Variants in P3H1 observed in about 807,000 individuals in gnomAD.
P3H1 encodes prolyl 3-hydroxylase 1, also known as growth suppressor 1.
In P3H1, 69 loss-of-function variants were observed where a neutral mutation model predicts 84.0. That is an observed-to-expected ratio of 0.82 (90% confidence interval 0.68 to 1.00). The LOEUF (loss-of-function observed/expected upper bound fraction) is 1.00. Ranked by LOEUF, P3H1 falls within the 50% of genes least tolerant of loss-of-function variation. P3H1 has a pLI of 0.00. For missense variants in P3H1, 878 were observed against 962.8 expected, an observed-to-expected ratio of 0.91 and a Z score of 1.17; for synonymous variants, 366 against 388.8, an observed-to-expected ratio of 0.94 and a Z score of 0.69.
intron 3 of P3H1, 49 bp from the exon 4 acceptor site, chr1:42,759,032 C>T (rs1652557258): frequency 3.7e-6 from 6 of 1,611,884 alleles, no homozygotes; most frequent in Non-Finnish European, 5.1e-6. Flanking sequence ...CTCTTTAGAA[C>T]TCAAATTCTG....
At chr1:42,761,395 C>A (rs1021964148) in intron 2 of P3H1, 5 of 152,078 alleles carry the variant, frequency 3.3e-5, no homozygotes, top group African/African-American at 1.2e-4. Context: ...TCCTGCTAAA[C>A]AAATAGAATG....
In P3H1 at chr1:42,750,280, C is replaced by T. The variant is rs577059613; in HGVS notation, c.1626G>A (p.Thr542=). 1.2e-3 allele frequency: 1,996 copies of T among 1,614,054 alleles called. 31 individuals carry two copies. In the South Asian group the frequency reaches 0.02, roughly 16 times the overall value. ...ACTCCATGATGCGCCGCACCTTCTC[C>T]GTCACGTTGTAGTACAGGTGGGCAC... ...LQSAHLYYNV[T]EKVRRIMESY... is the part of the protein sequence containing the mutation. Residue 542 remains threonine, a synonymous_variant, in exon 11 of 15, where the codon ACG becomes ACA. Coordinates refer to ENST00000296388, the MANE Select transcript of P3H1 (RefSeq NM_022356.4).
chr1:42,750,883 T>C (rs368114710), intron 10 of P3H1, among the ~76,000 whole-genome samples: 865 of 118,118 alleles, frequency 7.3e-3, no homozygotes, highest in East Asian at 0.027. Flanking sequence ...TCTGCCCGGC[T>C]GCCCCTACTG....
At position 42,766,021 on chromosome 1, in the gene P3H1, C is replaced by CACA. The variant is rs1553144412; in HGVS notation, c.465+485_465+486insTGT. On this transcript the variant is annotated intron_variant, in intron 1 of 14. Coordinates refer to ENST00000296388, the MANE Select transcript of P3H1 (RefSeq NM_022356.4). The stretch of plus-strand genomic sequence containing the variant: ...TAGCCAGAGGGTCCCCCCCCCGCCC[C>CACA]CACACACACACAGAAAGGGCCAGGC... 3.0e-4 allele frequency among the ~76,000 whole-genome samples: 43 copies of CACA among 141,326 alleles called. 2 individuals carry two copies. The South Asian group carries it at 8.0e-3, about 26-fold the overall frequency. The allele number at this position is 141,326 out of a possible 152,430, so 92.7% of individuals were successfully genotyped here.
intron 1 of P3H1, among the ~76,000 whole-genome samples, chr1:42,764,624 C>A (rs990389998): frequency 7.9e-5 from 12 of 152,180 alleles, no homozygotes; most frequent in Middle Eastern, 6.8e-3. Flanking sequence ...AGATAATATG[C>A]AGCCTGTAAT....
chr1:42,749,708 C>T (rs927744009), intron 11 of P3H1, among the ~76,000 whole-genome samples: 3 of 152,292 alleles, frequency 2.0e-5, no homozygotes, highest in South Asian at 4.2e-4. Flanking sequence ...ACTCCGTAAT[C>T]GTATTCATCC....
intron 14 of P3H1, 45 bp from the exon 15 acceptor site, chr1:42,746,897 G>C: frequency 6.2e-7 from 1 of 1,614,192 alleles, no homozygotes; most frequent in Non-Finnish European, 8.5e-7. Context: ...CTCCGCTCCA[G>C]ACACTCGCTA....
At chr1:42,766,010 C>T (rs1351125676) in intron 1 of P3H1, among the ~76,000 whole-genome samples, 1 of 86,566 alleles carries the variant, frequency 1.2e-5, no homozygotes, top group Non-Finnish European at 2.5e-5. Context: ...CAGAGGGTCC[C>T]CCCCCCGCCC....
intron 2 of P3H1, chr1:42,759,981 CTTTT>C (rs36110403): frequency 7.8e-5 from 8 of 102,982 alleles, no homozygotes; most frequent in South Asian, 3.4e-4. Flanking sequence ...GATTCTTGCA[CTTTT>C]TTTTTTTTTT....
intron 1 of P3H1, among the ~76,000 whole-genome samples, chr1:42,762,702 T>A (rs1189435564): frequency 6.6e-6 from 1 of 152,160 alleles, no homozygotes; most frequent in Non-Finnish European, 1.5e-5. Context: ...CAAGTCAGAT[T>A]TAGGGGTTCC....
chr1:42,753,831 G>A (rs11802274), intron 8 of P3H1, among the ~76,000 whole-genome samples: 8,772 of 151,990 alleles, frequency 0.058, 344 homozygotes, highest in African/African-American at 0.1. Context: ...GCTGAGGCAG[G>A]AGAATTCCTT....
intron 1 of P3H1, among the ~76,000 whole-genome samples, chr1:42,763,695 A>G (rs1352758555): frequency 2.6e-5 from 4 of 151,132 alleles, no homozygotes; most frequent in Non-Finnish European, 5.9e-5. Flanking sequence ...AAAAAAAAAA[A>G]AAAAAGAAAT....
At chr1:42,765,770 C>T (rs1336580691) in intron 1 of P3H1, among the ~76,000 whole-genome samples, 2 of 151,958 alleles carry the variant, frequency 1.3e-5, no homozygotes, top group African/African-American at 4.8e-5. Context: ...GGACTAATAA[C>T]AGCATCTACC....
chr1:42,748,491 T>C, intron 11 of P3H1, 174 bp from the exon 12 acceptor site: 1 of 668,940 alleles, frequency 1.5e-6, no homozygotes, highest in Non-Finnish European at 2.7e-6. Flanking sequence ...GTCTGCAGGC[T>C]TCCTAGGACA....
intron 1 of P3H1, among the ~76,000 whole-genome samples, chr1:42,762,881 C>G (rs1652794033): frequency 3.3e-5 from 5 of 152,064 alleles, no homozygotes; most frequent in African/African-American, 9.7e-5. Flanking sequence ...CACTTGAGCT[C>G]AGGAGTTCAA....
Position 42,752,330 on chromosome 1 carries a change from AG to A in P3H1, c.1512del (p.Ser505ProfsTer37), listed in dbSNP as rs1276897019. ...AACTTTTCATTGGGAGTATGTGGGG[AG>A]GTCTGACCCCGGTAGCCATCTCCTG... is the stretch of plus-strand genomic sequence containing the variant. ...ATSGDGYRGQ[T>X]SPHTPNEKFY... On this transcript the variant is annotated frameshift_variant, in exon 10 of 15. Transcript: ENST00000296388. LOFTEE classifies it high-confidence loss of function. The A allele has an allele frequency of 6.2e-7, 1 of 1,614,126 alleles. No homozygotes were observed. The highest frequency in any genetic ancestry group is 1.1e-5 in the South Asian group (1 of 91,074).
At chr1:42,759,537 G>T in intron 2 of P3H1, 147 bp from the exon 3 acceptor site, 1 of 662,204 alleles carries the variant, frequency 1.5e-6, no homozygotes, top group African/African-American at 1.8e-5. Flanking sequence ...TAAAATGAAG[G>T]CCTTTTGTAA....
Position 42,747,413 on chromosome 1 carries a change from C to T in P3H1, c.1915-1G>A, listed in dbSNP as rs2124077667. 6.2e-7 allele frequency: 1 copy of T among 1,610,178 alleles called. No homozygotes were observed. Among genetic ancestry groups the T allele is most frequent in the Non-Finnish European group, 8.5e-7 (1 of 1,178,406 alleles). ...TTCCACACTGAGGCTGCACCTCTGC[C>T]TAAGGGGGACAGAAAGGGAGGGGGG... is the stretch of plus-strand genomic sequence containing the variant. On this transcript the variant is annotated splice_acceptor_variant, in intron 13 of 14. Transcript: ENST00000296388. LOFTEE classifies it high-confidence loss of function.
In P3H1 at chr1:42,750,305, C is replaced by T. The variant is rs761150997; in HGVS notation, c.1601G>A (p.Ser534Asn). 26 of 1,613,964 alleles carry T rather than the reference C, an allele frequency of 1.6e-5. No individual in the cohort carries two copies. The African/African-American group carries it at 2.9e-4, about 18-fold the overall frequency. The change falls in exon 11 of 15, where the codon AGT becomes AAT. Residue 534 changes from serine (S) to asparagine (N), a missense_variant. Physicochemically the swap from Ser to Asn is conservative, Grantham distance 46. Transcript: ENST00000296388. ...LGQEGKVPLQSAHLYYNVTEK... is the reference protein window; with the variant it reads ...LGQEGKVPLQNAHLYYNVTEK... ...CGTCACGTTGTAGTACAGGTGGGCA[C>T]TCTGCAGAGGAACTTTGCCTTCTTG...
Sources: allele counts gnomAD v4.1 joint callset (sites outside exome capture counted in the v4.1 genomes callset), GRCh38; gene constraint gnomAD v4.1.1; transcripts MANE v1.5; gene names NCBI Gene and HGNC (gene_info 2026-07-23, HGNC 2026-07-21).